PRRC2C: variants seen among roughly 807,000 people sequenced by gnomAD.
The protein encoded by PRRC2C is proline rich coiled-coil 2C.
A neutral mutation model predicts 317.2 loss-of-function variants in PRRC2C; 72 were observed. The ratio of observed to expected loss-of-function variants is 0.23; its 90% CI spans 0.19 to 0.28. The LOEUF (loss-of-function observed/expected upper bound fraction) is 0.28. Among genes scored for constraint, PRRC2C ranks in the 10% least tolerant of loss-of-function variants. PRRC2C has a pLI of 1.00. For missense variants in PRRC2C, 3,074 were observed against 3,459.7 expected (o/e 0.89, Z 2.80); for synonymous variants, 1,296 against 1,205.9 (o/e 1.07, Z -1.55).
intron 1 of PRRC2C, among the ~76,000 whole-genome samples, chr1:171,490,007 C>G (rs1007626137): frequency 2.6e-5 from 4 of 152,138 alleles, no homozygotes; most frequent in Admixed American, 6.5e-5. Context: ...GCAACCTCTC[C>G]CTCCCGGGTT....
chr1:171,494,103 A>T (rs1049780305), intron 1 of PRRC2C, among the ~76,000 whole-genome samples: 3 of 152,236 alleles, frequency 2.0e-5, no homozygotes, highest in African/African-American at 7.2e-5. Flanking sequence ...AATTTTAACA[A>T]TTTTAAAATA....
chr1:171,517,763 T>C lies in PRRC2C; in HGVS notation c.699T>C (p.Asn233=), dbSNP rs147691809. 22 of 1,613,766 alleles carry C rather than the reference T, an allele frequency of 1.4e-5. 1 individual carries two copies. The African/African-American group carries it at 2.3e-4, about 17-fold the overall frequency. The change falls in exon 6 of 35, where the codon AAT becomes AAC. Residue 233 remains asparagine, a synonymous_variant. Coordinates refer to ENST00000647382, the MANE Select transcript of PRRC2C (RefSeq NM_001387844.1). ...IACGPPQAKL[N]GQQAALASQY... is the part of the protein sequence containing the mutation. Reference sequence around the variant, plus strand: ...GTGGTCCTCCACAGGCTAAACTGAATGGACAGCAGGCTGCTCTCGCTTCCC... The same window carrying C: ...GTGGTCCTCCACAGGCTAAACTGAACGGACAGCAGGCTGCTCTCGCTTCCC...
intron 30 of PRRC2C, 73 bp downstream of exon 30, chr1:171,584,599 A>G: frequency 6.8e-7 from 1 of 1,461,398 alleles, no homozygotes; most frequent in South Asian, 1.4e-5. Flanking sequence ...TTGTTTGGGA[A>G]TTTAAATTGA....
Position 171,513,046 on chromosome 1 carries a change from G to T in PRRC2C, c.164G>T (p.Arg55Leu). The T allele has an allele frequency of 6.2e-7, 1 of 1,613,692 alleles. No homozygotes were observed. Among genetic ancestry groups the T allele is most frequent in the Non-Finnish European group, 8.5e-7 (1 of 1,179,734 alleles). Residue 55 changes from arginine to leucine, a missense_variant, in exon 3 of 35, where the codon CGT (arginine) becomes CTT (leucine). Around this residue, in one of 11 missense-constraint regions of PRRC2C, gnomAD observed 71 missense variants for 118.9 expected, o/e 0.60. Transcript: ENST00000647382. ...QSLGKVGISR[R>L]MPPPANLPSL... Reference sequence around the variant, plus strand: ...CTTGGAAAAGTCGGTATTTCACGGCGTATGCCTCCACCTGCTAACCTCCCA... The same window carrying T: ...CTTGGAAAAGTCGGTATTTCACGGCTTATGCCTCCACCTGCTAACCTCCCA...
In PRRC2C at chr1:171,589,409, C is replaced by T. The variant is rs1650856980; in HGVS notation, c.8240C>T (p.Ala2747Val). The change falls in exon 34 of 35, where the codon GCC becomes GTC. Residue 2747 changes from alanine (A) to valine (V), a missense_variant. This residue lies in a region of PRRC2C where 490 missense variants were observed against 663.1 expected (regional missense o/e 0.74). Transcript: ENST00000647382. ...QPNLVPPLVR[A>V]PHTNTFPAPV... Reference sequence around the variant, plus strand: ...AACCTGGTCCCTCCATTGGTAAGAGCCCCACATACTAACACCTTCCCAGCG... The same window carrying T: ...AACCTGGTCCCTCCATTGGTAAGAGTCCCACATACTAACACCTTCCCAGCG... 7 of 1,289,310 alleles carry T rather than the reference C, an allele frequency of 5.4e-6. No homozygotes were observed. Among genetic ancestry groups the T allele is most frequent in the Non-Finnish European group, 7.1e-6 (7 of 988,738 alleles). 79.9% of individuals were successfully genotyped at this position (1,289,310 alleles called of 1,614,324 possible). A position where few individuals can be genotyped will look rare whatever the true frequency, so the allele number is the denominator to read the frequency against.
rs1252620237 is a variant in PRRC2C, at chr1:171,584,447, A to G, written c.7670A>G (p.Asn2557Ser). 6.3e-7 allele frequency: 1 copy of G among 1,587,248 alleles called. No individual in the cohort carries two copies. The highest frequency in any genetic ancestry group is 1.2e-5 in the South Asian group (1 of 86,282). The change falls in exon 30 of 35, where the codon AAT becomes AGT. Residue 2557 changes from asparagine (N) to serine (S), a missense_variant. By Grantham distance (46) the Asn-to-Ser change is conservative. This residue lies in a region of PRRC2C where 490 missense variants were observed against 663.1 expected (regional missense o/e 0.74). Transcript: ENST00000647382. ...AGAGCAAATCTTACCCAGGCCTCAA[A>G]TCTTTATTCTGGACAAGTACAACAG... ...QARANLTQAS[N>S]LYSGQVQQPG...
chr1:171,555,690 CTGTT>C lies in PRRC2C; in HGVS notation c.5128-1545_5128-1542del, dbSNP rs1231070007. On this transcript the variant is annotated intron_variant, in intron 18 of 34. Coordinates refer to ENST00000647382, the MANE Select transcript of PRRC2C (RefSeq NM_001387844.1). ...TTGTTGATGTTGATGCTATTCCTTT[CTGTT>C]TGTTAGTTTTCCTTCTAACAGCCAG... Among the ~76,000 whole-genome samples the C allele has an allele frequency of 9.9e-5, 15 of 152,278 alleles. No homozygotes were observed. The East Asian group carries it at 2.9e-3, about 29-fold the overall frequency.
Position 171,591,722 on chromosome 1 carries a change from C to A in PRRC2C, c.8572C>A (p.Pro2858Thr), listed in dbSNP as rs1303622851. ...SSKPPETLTD[P>T]PGVCQEKVEE... ...TAAACCTCCTGAAACACTGACCGAC[C>A]CTCCTGGGGTCTGTCAGGAAAAAGT... Residue 2858 changes from proline (P) to threonine (T), a missense_variant, in exon 35 of 35, where the codon CCT becomes ACT. Coordinates refer to ENST00000647382, the MANE Select transcript of PRRC2C (RefSeq NM_001387844.1). The A allele has an allele frequency of 1.2e-6, 2 of 1,613,904 alleles. No individual in the cohort carries two copies. The highest frequency in any genetic ancestry group is 3.3e-5 in the Admixed American group (2 of 59,998).
chr1:171,509,191 G>A (rs1670833102), intron 1 of PRRC2C, among the ~76,000 whole-genome samples: 3 of 152,110 alleles, frequency 2.0e-5, no homozygotes, highest in Admixed American at 2.0e-4. Flanking sequence ...GGCCCAATTT[G>A]ATTTTTTAAC....
intron 18 of PRRC2C, among the ~76,000 whole-genome samples, chr1:171,555,798 A>C (rs1158080494): frequency 6.6e-6 from 1 of 152,160 alleles, no homozygotes; most frequent in African/African-American, 2.4e-5. Context: ...CAGAACAGCA[A>C]ATATTGCAGA....
In PRRC2C at chr1:171,568,341, T is replaced by C; in HGVS notation, c.6651+2T>C. On this transcript the variant is annotated splice_donor_variant, in intron 23 of 34. Coordinates refer to ENST00000647382, the MANE Select transcript of PRRC2C (RefSeq NM_001387844.1). LOFTEE classifies it high-confidence loss of function. Reference sequence around the variant, plus strand: ...ATGGAGGATACTTTGGTTAATAATGTAAGTAATCAGTTTGAGATGTGGCAA... The same window carrying C: ...ATGGAGGATACTTTGGTTAATAATGCAAGTAATCAGTTTGAGATGTGGCAA... The C allele has an allele frequency of 6.3e-7, 1 of 1,594,610 alleles. No homozygotes were observed. The highest frequency in any genetic ancestry group is 8.6e-7 in the Non-Finnish European group (1 of 1,169,032).
At chr1:171,584,226 T>A (rs1649338360) in intron 29 of PRRC2C, 39 bp downstream of exon 29, 1 of 1,509,422 alleles carries the variant, frequency 6.6e-7, no homozygotes, top group Non-Finnish European at 9.1e-7. Context: ...CTCATTGTAT[T>A]CCTATGCCAC....
At chr1:171,486,129 T>TTTA (rs1174038672) in intron 1 of PRRC2C, among the ~76,000 whole-genome samples, 72 of 118,020 alleles carry the variant, frequency 6.1e-4, no homozygotes, top group African/African-American at 2.0e-3. Context: ...TTTTTTTTTT[T>TTTA]AGTGTCGGGT....
At position 171,557,732 on chromosome 1, in the gene PRRC2C, TCAGCTCCAACGC is replaced by T; in HGVS notation, c.5625_5636del (p.Thr1877_Pro1880del). The T allele has an allele frequency of 6.4e-7, 1 of 1,551,398 alleles. No homozygotes were observed. Among genetic ancestry groups the T allele is most frequent in the Non-Finnish European group, 8.7e-7 (1 of 1,146,910 alleles). The stretch of plus-strand genomic sequence containing the variant: ...TCTTGCTTCAGCCCTAGCATCAACT[TCAGCTCCAACGC>T]CAGCCCCAGCAGCCTCTTCCCCAGC... On this transcript the variant is annotated inframe_deletion, in exon 19 of 35. Transcript: ENST00000647382.
intron 2 of PRRC2C, chr1:171,512,436 A>G (rs532232804): frequency 2.5e-6 from 1 of 392,224 alleles, no homozygotes; most frequent in African/African-American, 2.1e-5. Flanking sequence ...TTGTCAGCAG[A>G]AAAAAGGTAG....
chr1:171,522,202 C>G lies in PRRC2C; in HGVS notation c.776C>G (p.Thr259Arg), dbSNP rs1176476497. Reference sequence around the variant, plus strand: ...ATGTTCCAACAGTATCCGAGGATGACATATCCTCCTCTACATGGTCCCATG... The same window carrying G: ...ATGTTCCAACAGTATCCGAGGATGAGATATCCTCCTCTACATGGTCCCATG... ...PYMFQQYPRM[T>R]YPPLHGPMRF... The change falls in exon 7 of 35, where the codon ACA becomes AGA. Residue 259 changes from threonine (T) to arginine (R), a missense_variant. Thr to Arg is a moderately conservative substitution (Grantham distance 71, BLOSUM62 -1). Transcript: ENST00000647382. 1 of 1,592,330 alleles carries G rather than the reference C, an allele frequency of 6.3e-7. No individual in the cohort carries two copies. Among genetic ancestry groups the G allele is most frequent in the Non-Finnish European group, 8.6e-7 (1 of 1,163,880 alleles).
Position 171,591,970 on chromosome 1 carries a change from A to G in PRRC2C, c.*123A>G. 2.3e-6 allele frequency: 3 copies of G among 1,324,098 alleles called. No homozygotes were observed. Among genetic ancestry groups the G allele is most frequent in the South Asian group, 2.9e-5 (2 of 69,384 alleles). 82.0% of individuals were successfully genotyped at this position (1,324,098 alleles called of 1,614,324 possible). A position where few individuals can be genotyped will look rare whatever the true frequency, so the allele number is the denominator to read the frequency against. On this transcript the variant is annotated 3_prime_UTR_variant, in exon 35 of 35. Transcript: ENST00000647382. ...ACATTATCCTGTTCAGAGCTTGGAGATGTACAAGGGACATAGGAGCAATTT... is the reference window on the plus strand; with the variant it reads ...ACATTATCCTGTTCAGAGCTTGGAGGTGTACAAGGGACATAGGAGCAATTT...
chr1:171,580,341 G>C (rs1177581401), intron 28 of PRRC2C, among the ~76,000 whole-genome samples: 1 of 152,170 alleles, frequency 6.6e-6, no homozygotes, highest in African/African-American at 2.4e-5. Context: ...ATCATGTTAG[G>C]GGGTGCAGGG....
chr1:171,566,514 A>G (rs1683696668), intron 21 of PRRC2C, 78 bp from the exon 22 acceptor site: 5 of 1,478,092 alleles, frequency 3.4e-6, no homozygotes, highest in African/African-American at 1.4e-5. Flanking sequence ...ATTTTAATGA[A>G]TATCTTTGAT....
Sources: gnomAD v4.1 joint callset for allele counts (sites outside exome capture counted in the v4.1 genomes callset) on GRCh38, gnomAD v4.1.1 for gene constraint, gnomAD v4.1.1 regional missense constraint, MANE v1.5 for transcripts, NCBI Gene and HGNC (gene_info 2026-07-23, HGNC 2026-07-21) for gene names.